Variants in NUP43 observed in about 807,000 individuals in gnomAD.
NUP43 encodes nucleoporin Nup43.
NUP43 carries 32 observed loss-of-function variants against 47.3 expected under a neutral mutation model. The observed-to-expected ratio is 0.68, with a 90% CI of 0.51 to 0.91. NUP43 has a LOEUF of 0.91. NUP43 is among the 40% of genes least tolerant of loss of function. NUP43 has a pLI of 0.00. For synonymous variants in NUP43, 147 were observed against 158.4 expected (o/e 0.93, Z 0.54); for missense variants, 444 against 453.9 (o/e 0.98, Z 0.20).
intron 4 of NUP43, among the ~76,000 whole-genome samples, chr6:149,741,285 T>C (rs1785640344): frequency 6.6e-6 from 1 of 152,146 alleles, no homozygotes; most frequent in African/African-American, 2.4e-5. Context: ...GCGATTCTCA[T>C]GCCTCAGCCT....
chr6:149,744,592 C>G (rs1001965175), intron 2 of NUP43, among the ~76,000 whole-genome samples: 1 of 151,198 alleles, frequency 6.6e-6, no homozygotes, highest in African/African-American at 2.4e-5. Context: ...AATCCCAGCA[C>G]TTTGGGAGGC....
intron 4 of NUP43, among the ~76,000 whole-genome samples, chr6:149,740,275 CAAAAAAA>C (rs766447484): frequency 2.2e-4 from 5 of 22,444 alleles, no homozygotes; most frequent in African/African-American, 4.4e-4. Context: ...GACCCTGTCT[CAAAAAAA>C]AAAAAAAAAA....
chr6:149,738,730 G>T lies in NUP43; in HGVS notation c.551C>A (p.Pro184His). The T allele has an allele frequency of 6.3e-7, 1 of 1,592,500 alleles. No individual in the cohort carries two copies. The change falls in exon 5 of 8, where the codon CCT becomes CAT. Residue 184 changes from proline to histidine, a missense_variant. Physicochemically the swap from Pro to His is moderately conservative, Grantham distance 77. Coordinates refer to ENST00000340413, the MANE Select transcript of NUP43 (RefSeq NM_198887.3). The part of the protein sequence containing the change: ...TLHAVTFLRT[P>H]EILTVNSIGQ... ...AATTGAATTTACAGTAAGAATCTCA[G>T]GAGTTCGAAGAAAGGTTACAGCATG...
upstream of NUP43, among the ~76,000 whole-genome samples, chr6:149,747,791 TTA>T (rs1320184729): frequency 1.3e-5 from 2 of 152,216 alleles, no homozygotes; most frequent in Non-Finnish European, 2.9e-5. Context: ...ACTGTTGTTT[TTA>T]TGTGATATTG....
In NUP43 at chr6:149,743,566, G is replaced by T. The variant is rs1785790610; in HGVS notation, c.321+72C>A. 17 of 929,784 alleles carry T rather than the reference G, an allele frequency of 1.8e-5. No individual in the cohort carries two copies. The South Asian group carries it at 2.0e-4, about 11-fold the overall frequency. The allele number at this position is 929,784 out of a possible 1,614,324, so 57.6% of individuals were successfully genotyped here. A position where few individuals can be genotyped will look rare whatever the true frequency, so the allele number is the denominator to read the frequency against. On this transcript the variant is annotated intron_variant, in intron 3 of 7. Transcript: ENST00000340413. ...GCCGAGACTGCGCCACTGCACTCCA[G>T]TGCGCGGGCAACAAGAGCAAAACTC... is the stretch of plus-strand genomic sequence containing the variant.
intron 5 of NUP43, among the ~76,000 whole-genome samples, 164 bp from the exon 6 acceptor site, chr6:149,736,786 C>A (rs34147067): frequency 6.6e-6 from 1 of 152,180 alleles, no homozygotes; most frequent in Non-Finnish European, 1.5e-5. Context: ...ACTCCCTGGG[C>A]TCAGGTATCC....
intron 6 of NUP43, among the ~76,000 whole-genome samples, chr6:149,733,856 C>T (rs999203401): frequency 6.8e-4 from 103 of 151,036 alleles, no homozygotes; most frequent in Non-Finnish European, 1.3e-4. Flanking sequence ...CGGAGTTTCA[C>T]TCTTGTTGCC....
upstream of NUP43, among the ~76,000 whole-genome samples, chr6:149,747,427 G>C (rs1786069572): frequency 6.6e-6 from 1 of 151,602 alleles, no homozygotes; most frequent in African/African-American, 2.4e-5. Flanking sequence ...GGGACTACAG[G>C]TGTGCGCCAC....
chr6:149,728,480 TGAA>T, intron 7 of NUP43: 1 of 984,500 alleles, frequency 1.0e-6, no homozygotes, highest in Non-Finnish European at 1.2e-6. Context: ...AGAATTTTTC[TGAA>T]GAAGTTTTAG....
intron 6 of NUP43, among the ~76,000 whole-genome samples, chr6:149,734,009 C>T (rs1022073347): frequency 6.0e-5 from 9 of 151,126 alleles, no homozygotes; most frequent in African/African-American, 2.2e-4. Context: ...TTTTTAGTAG[C>T]GACGGGCTTT....
At chr6:149,734,233 G>C (rs764281694) in intron 6 of NUP43, among the ~76,000 whole-genome samples, 1 of 152,004 alleles carries the variant, frequency 6.6e-6, no homozygotes, top group Non-Finnish European at 1.5e-5. Context: ...TACTCAGAAG[G>C]GCAAGGCAAG....
chr6:149,737,140 C>T (rs145875759), intron 5 of NUP43, among the ~76,000 whole-genome samples: 216 of 152,178 alleles, frequency 1.4e-3, no homozygotes, highest in African/African-American at 5.1e-3. Flanking sequence ...AAAAACTAGC[C>T]AGGCATGGTG....
chr6:149,729,750 AT>A (rs1784942269), intron 7 of NUP43, among the ~76,000 whole-genome samples: 1 of 152,056 alleles, frequency 6.6e-6, no homozygotes, highest in Non-Finnish European at 1.5e-5. Flanking sequence ...TTTTTTAACT[AT>A]TAGAATATTT....
At chr6:149,733,619 TA>T (rs1785168813) in intron 6 of NUP43, among the ~76,000 whole-genome samples, 2 of 152,098 alleles carry the variant, frequency 1.3e-5, no homozygotes, top group African/African-American at 4.8e-5. Flanking sequence ...CTAACTTTTG[TA>T]TTTTTAACAG....
intron 2 of NUP43, among the ~76,000 whole-genome samples, chr6:149,745,468 CAAGTT>C (rs923858454): frequency 1.3e-4 from 20 of 151,686 alleles, no homozygotes; most frequent in Non-Finnish European, 2.5e-4. Flanking sequence ...AGACTTTGGC[CAAGTT>C]AAGTTCACTA....
At chr6:149,742,147 C>A (rs1356638569) in intron 4 of NUP43, among the ~76,000 whole-genome samples, 2 of 152,214 alleles carry the variant, frequency 1.3e-5, no homozygotes, top group Non-Finnish European at 2.9e-5. Context: ...CTGCCTCAGC[C>A]TCCCAAGTAG....
intron 6 of NUP43, among the ~76,000 whole-genome samples, chr6:149,733,209 T>TTAA (rs1785150996): frequency 6.6e-6 from 1 of 152,132 alleles, no homozygotes; most frequent in African/African-American, 2.4e-5. Flanking sequence ...CCAATATTGG[T>TTAA]TAATGCCAAG....
intron 6 of NUP43, among the ~76,000 whole-genome samples, chr6:149,733,007 C>T (rs1785140111): frequency 6.6e-6 from 1 of 151,986 alleles, no homozygotes; most frequent in African/African-American, 2.4e-5. Flanking sequence ...CTGCCTCAGC[C>T]TCCCAAAAGT....
At position 149,742,397 on chromosome 6, in the gene NUP43, T is replaced by A; in HGVS notation, c.495A>T (p.Arg165Ser). The change falls in exon 4 of 8, where the codon AGA becomes AGT. Residue 165 changes from arginine (R) to serine (S), a missense_variant. Arg to Ser is a moderately radical substitution (Grantham distance 110). Transcript: ENST00000340413. ...GGCTGGGATTTTTCTTACCTATGGT[T>A]CTTACAGCTTCCTTGTGATCAGCTC... ...LFRADHKEAVRTIDNADSSTL... is the reference protein window; with the variant it reads ...LFRADHKEAVSTIDNADSSTL... 6.2e-7 allele frequency: 1 copy of A among 1,614,070 alleles called. No homozygotes were observed. Among genetic ancestry groups the A allele is most frequent in the Non-Finnish European group, 8.5e-7 (1 of 1,179,924 alleles).
Sources: allele counts gnomAD v4.1 joint callset (sites outside exome capture counted in the v4.1 genomes callset), GRCh38; gene constraint gnomAD v4.1.1; transcripts MANE v1.5; gene names NCBI Gene and HGNC (gene_info 2026-07-23, HGNC 2026-07-21).